Variants in RFWD3 observed in about 807,000 individuals in gnomAD.
The protein encoded by RFWD3 is ring finger and WD repeat domain 3.
Under a neutral mutation model 87.7 loss-of-function variants are expected in RFWD3, and 65 were observed. The observed-to-expected ratio is 0.74, with a 90% confidence interval of 0.61 to 0.91. The LOEUF (loss-of-function observed/expected upper bound fraction) is 0.91, where lower values mean the gene tolerates loss of function less well. Ranked by LOEUF, RFWD3 falls within the 40% of genes least tolerant of loss-of-function variation. The pLI is 0.00. For missense variants in RFWD3, 1,078 were observed against 938.5 expected, an observed-to-expected ratio of 1.15 and a Z score of -1.94; for synonymous variants, 433 against 352.8, an observed-to-expected ratio of 1.23 and a Z score of -2.55.
chr16:74,632,468 C>T lies in RFWD3; in HGVS notation c.1577+55G>A, dbSNP rs1003314893. Reference sequence around the variant, plus strand: ...GTCATCATAACACCGATACGAATTCCATGCTACTCAACACCAAAGAGCCCA... The same window carrying T: ...GTCATCATAACACCGATACGAATTCTATGCTACTCAACACCAAAGAGCCCA... On this transcript the variant is annotated intron_variant, in intron 9 of 12. Coordinates refer to ENST00000361070, the MANE Select transcript of RFWD3 (RefSeq NM_018124.4). 6 of 1,571,782 alleles carry T rather than the reference C, an allele frequency of 3.8e-6. No individual in the cohort carries two copies. The East Asian group carries it at 9.0e-5, about 24-fold the overall frequency.
chr16:74,654,156 G>T (rs1359744837), intron 2 of RFWD3, among the ~76,000 whole-genome samples: 1 of 152,074 alleles, frequency 6.6e-6, no homozygotes, highest in African/African-American at 2.4e-5. Context: ...CTATTTGGTA[G>T]TCATGTCCTC....
intron 2 of RFWD3, among the ~76,000 whole-genome samples, chr16:74,655,308 C>A (rs1412614626): frequency 6.6e-6 from 1 of 151,496 alleles, no homozygotes; most frequent in Non-Finnish European, 1.5e-5. Context: ...GGCGTGATCT[C>A]GGCTCACTGC....
intron 10 of RFWD3, 48 bp from the exon 11 acceptor site, chr16:74,628,714 G>T: frequency 6.4e-7 from 1 of 1,566,348 alleles, no homozygotes; most frequent in Non-Finnish European, 8.8e-7. Context: ...AAACTCGGAC[G>T]GCTCCAGACC....
At chr16:74,626,246 G>A in intron 12 of RFWD3, 97 bp downstream of exon 12, 1 of 1,026,778 alleles carries the variant, frequency 9.7e-7, no homozygotes. Flanking sequence ...ACACTTTTTT[G>A]CTATATGAGC....
rs775417423 is a variant in RFWD3, at chr16:74,622,865, C to G, written c.*1063G>C. The G allele has an allele frequency of 2.0e-5, 3 of 152,310 alleles. No homozygotes were observed. Among genetic ancestry groups the G allele is most frequent in the Admixed American group, 6.5e-5 (1 of 15,288 alleles). The allele number at this position is 152,310 out of a possible 1,614,324, so 9.4% of individuals were successfully genotyped here. A position where few individuals can be genotyped will look rare whatever the true frequency, so the allele number is the denominator to read the frequency against. ...CAGCTTCACATGGGGAAGGCTTTAA[C>G]TGGATAACTGGAATGTATAAAGAAC... On this transcript the variant is annotated 3_prime_UTR_variant, in exon 13 of 13. Transcript: ENST00000361070.
At chr16:74,625,196 T>C (rs1262537761) in intron 12 of RFWD3, among the ~76,000 whole-genome samples, 1 of 87,864 alleles carries the variant, frequency 1.1e-5, no homozygotes, top group African/African-American at 7.0e-5. Context: ...CAAGACCCTG[T>C]CTCAAAAAAA....
chr16:74,656,905 G>A (rs1961028606), intron 2 of RFWD3, among the ~76,000 whole-genome samples: 1 of 152,236 alleles, frequency 6.6e-6, no homozygotes, highest in Admixed American at 6.5e-5. Flanking sequence ...GAAAGTAACT[G>A]CAGATGTGCT....
At chr16:74,666,268 G>T (rs1961915631) in intron 1 of RFWD3, 1 of 152,094 alleles carries the variant, frequency 6.6e-6, no homozygotes, top group Non-Finnish European at 1.5e-5. Context: ...TTACTACATG[G>T]GGAAACTTTG....
Position 74,650,891 on chromosome 16 carries a change from A to T in RFWD3, c.721+1029T>A, listed in dbSNP as rs183171624. On this transcript the variant is annotated intron_variant, in intron 3 of 12. Coordinates refer to ENST00000361070, the MANE Select transcript of RFWD3 (RefSeq NM_018124.4). ...AACCCTGTCTCAAAAAAAACAAATGAAAAAAAAAACAACAAAAAAACCCAC... is the reference window on the plus strand; with the variant it reads ...AACCCTGTCTCAAAAAAAACAAATGTAAAAAAAAACAACAAAAAAACCCAC... Among the ~76,000 whole-genome samples, 889 of 143,402 alleles carry T rather than the reference A, an allele frequency of 6.2e-3. 14 individuals are homozygous for T. Among genetic ancestry groups the T allele is most frequent in the Non-Finnish European group, 5.6e-3 (355 of 63,688 alleles). The allele number at this position is 143,402 out of a possible 152,430, so 94.1% of individuals were successfully genotyped here.
At chr16:74,645,745 CTTTTTTTTTTTTT>C (rs71376293) in intron 4 of RFWD3, among the ~76,000 whole-genome samples, 4 of 74,212 alleles carry the variant, frequency 5.4e-5, no homozygotes, top group African/African-American at 1.7e-4. Context: ...CAAATATTTT[CTTTTTTTTTTTTT>C]TTTTTTTTTT....
chr16:74,640,986 T>C (rs1279372841), intron 6 of RFWD3, among the ~76,000 whole-genome samples: 1 of 145,484 alleles, frequency 6.9e-6, no homozygotes, highest in African/African-American at 2.5e-5. Context: ...AAATCTCTCC[T>C]TTTTTTTTAA....
At chr16:74,646,388 T>C (rs368956444) in intron 4 of RFWD3, among the ~76,000 whole-genome samples, 13 of 152,264 alleles carry the variant, frequency 8.5e-5, no homozygotes, top group African/African-American at 3.1e-4. Flanking sequence ...AAAAGTTCAG[T>C]GTAGCATGAT....
At chr16:74,632,854 G>A (rs990837857) in intron 8 of RFWD3, 181 bp from the exon 9 acceptor site, 9 of 574,288 alleles carry the variant, frequency 1.6e-5, no homozygotes, top group Non-Finnish European at 3.1e-6. Context: ...AGTTGGCCAG[G>A]CTGGAATGCA....
chr16:74,636,357 G>C lies in RFWD3; in HGVS notation c.1415C>G (p.Ser472Cys). ...LVISQPSPQA[S>C]FLPGFGVKML... ...TCTAGACTCTTTACCTGGAAGAAAA[G>C]AGGCCTGAGGAGAAGGCTGTGATAT... The change falls in exon 8 of 13, where the codon TCT (serine) becomes TGT (cysteine). Residue 472 changes from serine to cysteine, a missense_variant. Transcript: ENST00000361070. The C allele has an allele frequency of 1.2e-6, 2 of 1,613,884 alleles. No individual in the cohort carries two copies. The highest frequency in any genetic ancestry group is 1.7e-6 in the Non-Finnish European group (2 of 1,179,772).
In RFWD3 at chr16:74,624,074, A is replaced by G. The variant is rs202136713; in HGVS notation, c.2182-3T>C. ...GAGCCACTGGCAGCATCCCACAGCT[A>G]AAGAACACAAGCAGAGGGAAGGGTC... On this transcript the variant is annotated splice_region_variant and splice_polypyrimidine_tract_variant and intron_variant, in intron 12 of 12. Transcript: ENST00000361070. 5,527 of 1,613,652 alleles carry G rather than the reference A, an allele frequency of 3.4e-3. 14 individuals carry two copies. Among genetic ancestry groups the G allele is most frequent in the Non-Finnish European group, 3.7e-3 (4,372 of 1,179,822 alleles).
intron 2 of RFWD3, among the ~76,000 whole-genome samples, chr16:74,657,478 C>CTTTTTTTTT (rs386385075): frequency 2.4e-5 from 3 of 122,712 alleles, no homozygotes; most frequent in Non-Finnish European, 5.3e-5. Context: ...TTTTCTTTTT[C>CTTTTTTTTT]TTTTTTTTTT....
intron 10 of RFWD3, among the ~76,000 whole-genome samples, chr16:74,630,105 T>C (rs1381520328): frequency 6.6e-6 from 1 of 152,174 alleles, no homozygotes; most frequent in African/African-American, 2.4e-5. Context: ...GGCTATTTTT[T>C]TTTTTCTTGA....
intron 1 of RFWD3, chr16:74,666,255 C>G (rs1281467285): frequency 1.3e-5 from 2 of 152,196 alleles, no homozygotes; most frequent in Non-Finnish European, 2.9e-5. Flanking sequence ...AATCCCTGTT[C>G]TTTTACTACA....
rs1250519748 is a variant in RFWD3 at position 74,621,448 on chromosome 16, A to C, written c.*2480T>G. The C allele has an allele frequency of 1.3e-5, 2 of 152,170 alleles. No individual in the cohort carries two copies. Among genetic ancestry groups the C allele is most frequent in the African/African-American group, 4.8e-5 (2 of 41,438 alleles). The allele number at this position is 152,170 out of a possible 1,614,324, so 9.4% of individuals were successfully genotyped here. ...TATTAACAGTAAAACATAAAACAGAAACATTAAAACAGGGCATAAACAGAG... is the reference window on the plus strand; with the variant it reads ...TATTAACAGTAAAACATAAAACAGACACATTAAAACAGGGCATAAACAGAG... On this transcript the variant is annotated 3_prime_UTR_variant, in exon 13 of 13. Transcript: ENST00000361070.
Sources: gnomAD v4.1 joint callset for allele counts (sites outside exome capture counted in the v4.1 genomes callset) on GRCh38, gnomAD v4.1.1 for gene constraint, MANE v1.5 for transcripts, NCBI Gene and HGNC (gene_info 2026-07-23, HGNC 2026-07-21) for gene names.